Variants in SRPK1 observed in about 807,000 individuals in gnomAD.
SRPK1 encodes SFRS protein kinase 1.
SRPK1 carries 52 observed loss-of-function variants against 89.5 expected under a neutral mutation model. The observed-to-expected ratio is 0.58, with a 90% confidence interval of 0.46 to 0.73. SRPK1 has a LOEUF of 0.73. Among genes scored for constraint, SRPK1 ranks in the 30% least tolerant of loss-of-function variants. The pLI is 0.00. For missense variants in SRPK1, 603 were observed against 780.6 expected (o/e 0.77, Z 2.71); for synonymous variants, 255 against 270.2 (o/e 0.94, Z 0.55).
At chr6:35,900,011 T>A (rs6903392) in intron 2 of SRPK1, among the ~76,000 whole-genome samples, 49,888 of 149,140 alleles carry the variant, frequency 0.33, 8,516 homozygotes, top group South Asian at 0.42. Flanking sequence ...AAAAAAAAAA[T>A]AATAATAATA....
intron 5 of SRPK1, 148 bp downstream of exon 5, chr6:35,887,876 T>C (rs963480423): frequency 1.4e-5 from 7 of 503,132 alleles, no homozygotes; most frequent in Admixed American, 7.9e-5. Context: ...TGTGTAAATA[T>C]TGTTGTCTTC....
chr6:35,913,230 C>G (rs939670711), intron 2 of SRPK1, among the ~76,000 whole-genome samples: 1 of 152,126 alleles, frequency 6.6e-6, no homozygotes. Flanking sequence ...AACTTACTAA[C>G]CAATGAAACT....
chr6:35,897,657 C>T (rs1371541329), intron 2 of SRPK1, among the ~76,000 whole-genome samples: 1 of 152,114 alleles, frequency 6.6e-6, no homozygotes, highest in African/African-American at 2.4e-5. Flanking sequence ...GGACTACAGG[C>T]GTGCACCACC....
chr6:35,869,566 T>A lies in SRPK1; in HGVS notation c.1327A>T (p.Ser443Cys), dbSNP rs1268341499. The change falls in exon 11 of 16, where the codon AGC (serine) becomes TGC (cysteine). Residue 443 changes from serine to cysteine, a missense_variant. By Grantham distance (112) the Ser-to-Cys change is moderately radical. Transcript: ENST00000373825. ...GCCCGAATGCTTTCTTGAAGTTGGCTAATGTGTTGTTCACTGAATGACTGA... is the reference window on the plus strand; with the variant it reads ...GCCCGAATGCTTTCTTGAAGTTGGCAAATGTGTTGTTCACTGAATGACTGA... ...VGQSFSEQHISQLQESIRAEI... is the reference protein window; with the variant it reads ...VGQSFSEQHICQLQESIRAEI... The A allele has an allele frequency of 6.2e-7, 1 of 1,613,996 alleles. No individual in the cohort carries two copies.
chr6:35,885,294 C>T (rs1011577710), intron 6 of SRPK1, among the ~76,000 whole-genome samples: 6 of 131,108 alleles, frequency 4.6e-5, no homozygotes, highest in African/African-American at 1.7e-4. Flanking sequence ...CACACACACA[C>T]ACACAGAGAG....
At chr6:35,900,945 G>C (rs546090059) in intron 2 of SRPK1, among the ~76,000 whole-genome samples, 61 of 152,234 alleles carry the variant, frequency 4.0e-4, no homozygotes, top group African/African-American at 1.4e-3. Context: ...CTTAAGCCCA[G>C]GAGTTCAAGG....
Position 35,869,050 on chromosome 6 carries a change from A to G in SRPK1, c.1472T>C (p.Leu491Pro). 1.9e-6 allele frequency: 3 copies of G among 1,614,042 alleles called. No homozygotes were observed. The highest frequency in any genetic ancestry group is 1.7e-6 in the Non-Finnish European group (2 of 1,179,958). ...TCCAAGGTCAGCAATCTTCACCTTGAGCTTTTCTGCATTTTTTGGCTCAAG... is the reference window on the plus strand; with the variant it reads ...TCCAAGGTCAGCAATCTTCACCTTGGGCTTTTCTGCATTTTTTGGCTCAAG... ...NPLEPKNAEK[L>P]KVKIADLGNA... Residue 491 changes from leucine (L) to proline (P), a missense_variant, in exon 12 of 16, where the codon CTC (leucine) becomes CCC (proline). Leu to Pro is a moderately conservative substitution (Grantham distance 98). Coordinates refer to ENST00000373825, the MANE Select transcript of SRPK1 (RefSeq NM_003137.5).
intron 13 of SRPK1, among the ~76,000 whole-genome samples, 186 bp from the exon 14 acceptor site, chr6:35,842,790 A>G (rs1313752436): frequency 6.6e-6 from 1 of 151,918 alleles, no homozygotes; most frequent in African/African-American, 2.4e-5. Context: ...TCCCTATCTT[A>G]ATAAAATGGA....
chr6:35,856,174 A>G (rs1427228440), intron 13 of SRPK1, among the ~76,000 whole-genome samples: 2 of 152,172 alleles, frequency 1.3e-5, no homozygotes, highest in Non-Finnish European at 2.9e-5. Flanking sequence ...TTCAATCAAT[A>G]CCTAATTAAT....
chr6:35,909,624 C>T (rs1283637578), intron 2 of SRPK1, among the ~76,000 whole-genome samples: 1 of 152,168 alleles, frequency 6.6e-6, no homozygotes, highest in Non-Finnish European at 1.5e-5. Context: ...TGTGTCCCCA[C>T]CCAAATCTCA....
At chr6:35,898,336 T>C (rs963728362) in intron 2 of SRPK1, among the ~76,000 whole-genome samples, 1 of 152,080 alleles carries the variant, frequency 6.6e-6, no homozygotes, top group African/African-American at 2.4e-5. Flanking sequence ...GACTTATAGA[T>C]ATACAGAGTG....
At chr6:35,893,188 A>G (rs1412719981) in intron 2 of SRPK1, among the ~76,000 whole-genome samples, 2 of 152,204 alleles carry the variant, frequency 1.3e-5, no homozygotes, top group East Asian at 3.8e-4. Context: ...AACTTAATGA[A>G]AGTAAATGAA....
chr6:35,869,010 C>T lies in SRPK1; in HGVS notation c.1512G>A (p.Val504=). 1.2e-6 allele frequency: 2 copies of T among 1,612,650 alleles called. No homozygotes were observed. Among genetic ancestry groups the T allele is most frequent in the Non-Finnish European group, 1.7e-6 (2 of 1,179,332 alleles). ...KIADLGNACW[V]HKHFTEDIQT... ...CACCATTAAGGCAAGTTTAACTTACCACCCAACAAGCATTTCCAAGGTCAG... is the reference window on the plus strand; with the variant it reads ...CACCATTAAGGCAAGTTTAACTTACTACCCAACAAGCATTTCCAAGGTCAG... The change falls in exon 12 of 16, where the codon GTG becomes GTA. Residue 504 remains valine (V), a splice_region_variant and synonymous_variant. Transcript: ENST00000373825.
At chr6:35,849,501 G>T (rs1769509073) in intron 13 of SRPK1, among the ~76,000 whole-genome samples, 1 of 152,124 alleles carries the variant, frequency 6.6e-6, no homozygotes, top group South Asian at 2.1e-4. Context: ...TTACCTCAAA[G>T]ATTTAAAATC....
intron 12 of SRPK1, among the ~76,000 whole-genome samples, chr6:35,859,013 G>A (rs1249055242): frequency 3.9e-5 from 6 of 152,144 alleles, no homozygotes; most frequent in African/African-American, 9.7e-5. Flanking sequence ...GTGATCAACA[G>A]TACAAAGAAA....
chr6:35,869,137 G>C (rs1224945645), intron 11 of SRPK1, 27 bp from the exon 12 acceptor site: 1 of 1,567,960 alleles, frequency 6.4e-7, no homozygotes, highest in Non-Finnish European at 8.8e-7. Context: ...TCATCAATAA[G>C]ACTGTTCAAT....
At chr6:35,880,751 G>GAAAAA (rs1770266361) in intron 6 of SRPK1, among the ~76,000 whole-genome samples, 4 of 40,028 alleles carry the variant, frequency 1.0e-4, no homozygotes, top group South Asian at 1.0e-3. Context: ...AAAAAAAAAA[G>GAAAAA]AAAAGAAAAG....
intron 10 of SRPK1, 104 bp downstream of exon 10, chr6:35,870,177 C>A (rs149834077): frequency 5.1e-6 from 5 of 985,942 alleles, no homozygotes; most frequent in South Asian, 1.8e-5. Context: ...TATAAAGATA[C>A]CCCCAGAGAT....
intron 8 of SRPK1, 121 bp downstream of exon 8, chr6:35,872,441 TG>T: frequency 2.2e-6 from 2 of 910,252 alleles, no homozygotes; most frequent in Non-Finnish European, 3.1e-6. Context: ...AAGCTGATAA[TG>T]TTTCTTAAAT....
Sources: allele counts gnomAD v4.1 joint callset (sites outside exome capture counted in the v4.1 genomes callset), GRCh38; gene constraint gnomAD v4.1.1; transcripts MANE v1.5; gene names NCBI Gene and HGNC (gene_info 2026-07-23, HGNC 2026-07-21).